UBR7: variants seen among roughly 807,000 people sequenced by gnomAD.
The protein encoded by UBR7 is putative E3 ubiquitin-protein ligase UBR7.
Under a neutral mutation model 57.0 loss-of-function variants are expected in UBR7, and 22 were observed. The ratio of observed to expected loss-of-function variants is 0.39; its 90% CI spans 0.28 to 0.55. The LOEUF is 0.55. Among genes scored for constraint, UBR7 ranks in the 20% least tolerant of loss-of-function variants. UBR7 has a pLI of 0.69. For missense variants in UBR7, 395 were observed against 513.2 expected, an observed-to-expected ratio of 0.77 and a Z score of 2.23; for synonymous variants, 167 against 179.8, an observed-to-expected ratio of 0.93 and a Z score of 0.57.
intron 10 of UBR7, 95 bp downstream of exon 10, chr14:93,222,469 G>T (rs1894728928): frequency 6.2e-6 from 6 of 965,526 alleles, no homozygotes; most frequent in Non-Finnish European, 8.3e-6. Flanking sequence ...GACTGGCGGG[G>T]TGCGGTGGCT....
chr14:93,216,120 C>T (rs1021856318), intron 6 of UBR7, among the ~76,000 whole-genome samples: 4 of 152,174 alleles, frequency 2.6e-5, no homozygotes, highest in Non-Finnish European at 4.4e-5. Flanking sequence ...CAAACAAGCT[C>T]GCTTGGGCCT....
rs770988177 is a variant in UBR7 at position 93,222,373 on chromosome 14, C to T, written c.1184C>T (p.Thr395Met). 1.9e-5 allele frequency: 30 copies of T among 1,598,628 alleles called. No homozygotes were observed. Among genetic ancestry groups the T allele is most frequent in the East Asian group, 2.2e-5 (1 of 44,792 alleles). ...DYLKRFADEGTVVKREDIQQF... is the reference protein window; with the variant it reads ...DYLKRFADEGMVVKREDIQQF... Reference sequence around the variant, plus strand: ...CTCAAGAGATTTGCTGATGAAGGCACGGTATGTTGAGTTAAAGAATTCTAA... The same window carrying T: ...CTCAAGAGATTTGCTGATGAAGGCATGGTATGTTGAGTTAAAGAATTCTAA... The change falls in exon 10 of 11, where the codon ACG (threonine) becomes ATG (methionine). Residue 395 changes from threonine to methionine, a missense_variant and splice_region_variant. Physicochemically the swap from Thr to Met is moderately conservative, Grantham distance 81. Transcript: ENST00000013070.
At position 93,219,338 on chromosome 14, in the gene UBR7, T is replaced by C. The variant is rs566789565; in HGVS notation, c.937T>C (p.Leu313=). The C allele has an allele frequency of 1.7e-5, 28 of 1,614,138 alleles. No homozygotes were observed. The South Asian group carries it at 2.6e-4, about 15-fold the overall frequency. Residue 313 remains leucine, a synonymous_variant, in exon 8 of 11, where the codon TTG becomes CTG. Coordinates refer to ENST00000013070, the MANE Select transcript of UBR7 (RefSeq NM_175748.4). Reference sequence around the variant, plus strand: ...TTGGCCCCTGAACTGGCGTAGCAAGTTGTGTACCTGCCAAGACTGTATGGT... The same window carrying C: ...TTGGCCCCTGAACTGGCGTAGCAAGCTGTGTACCTGCCAAGACTGTATGGT... ...TYWPLNWRSK[L]CTCQDCMKMY...
intron 3 of UBR7, among the ~76,000 whole-genome samples, chr14:93,211,689 T>A (rs1476926340): frequency 6.6e-6 from 1 of 151,982 alleles, no homozygotes; most frequent in Non-Finnish European, 1.5e-5. Flanking sequence ...CCCATCTCTA[T>A]CAAAAAGAAA....
rs1179005092 is a variant in UBR7, at chr14:93,227,816, T to C, written c.*781T>C. ...GCTTCCTGGAGAACATTTGCCCGTATACTAGTCCCTTCTCTGCTGCCTAGA... is the reference window on the plus strand; with the variant it reads ...GCTTCCTGGAGAACATTTGCCCGTACACTAGTCCCTTCTCTGCTGCCTAGA... On this transcript the variant is annotated 3_prime_UTR_variant, in exon 11 of 11. Coordinates refer to ENST00000013070, the MANE Select transcript of UBR7 (RefSeq NM_175748.4). The C allele has an allele frequency of 1.4e-6, 1 of 700,886 alleles. No homozygotes were observed. The highest frequency in any genetic ancestry group is 2.0e-5 in the Admixed American group (1 of 50,016). 43.4% of individuals were successfully genotyped at this position (700,886 alleles called of 1,614,324 possible).
At chr14:93,214,528 TCTG>T (rs1405650880) in intron 4 of UBR7, among the ~76,000 whole-genome samples, 1 of 152,232 alleles carries the variant, frequency 6.6e-6, no homozygotes, top group Non-Finnish European at 1.5e-5. Flanking sequence ...GGATGGTTCT[TCTG>T]CAGCAGAAAG....
chr14:93,208,352 G>T (rs896293970), intron 1 of UBR7, among the ~76,000 whole-genome samples: 4 of 151,916 alleles, frequency 2.6e-5, no homozygotes, highest in Non-Finnish European at 2.9e-5. Context: ...GTTGACCAAG[G>T]TTAGTTTACA....
chr14:93,210,081 A>ATTTATTTATTTATTTT, intron 2 of UBR7, 124 bp downstream of exon 2: 2 of 545,406 alleles, frequency 3.7e-6, no homozygotes, highest in Non-Finnish European at 5.5e-6. Context: ...TAATTAATTA[A>ATTTATTTATTTATTTT]TTTATTTATT....
chr14:93,207,678 G>A (rs1298703943), intron 1 of UBR7, among the ~76,000 whole-genome samples: 1 of 152,056 alleles, frequency 6.6e-6, no homozygotes, highest in Non-Finnish European at 1.5e-5. Context: ...AACTCTGTCC[G>A]GCCCGCCAGG....
chr14:93,221,628 A>C (rs1894709246), intron 9 of UBR7, among the ~76,000 whole-genome samples: 1 of 152,136 alleles, frequency 6.6e-6, no homozygotes, highest in Admixed American at 6.5e-5. Flanking sequence ...TAGAGGATGC[A>C]CCTAAAAGAT....
At chr14:93,222,523 T>TC in intron 10 of UBR7, 149 bp downstream of exon 10, 1 of 698,390 alleles carries the variant, frequency 1.4e-6, no homozygotes, top group Non-Finnish European at 2.6e-6. Context: ...TGTGGGTGGA[T>TC]CACAAGGTCA....
Position 93,227,921 on chromosome 14 carries a change from C to T in UBR7, c.*886C>T, listed in dbSNP as rs1894894607. ...ATTTCTTGATATTATCAGGGATATT[C>T]ATAAGCATATATCAAAAATGGACCT... On this transcript the variant is annotated 3_prime_UTR_variant, in exon 11 of 11. Coordinates refer to ENST00000013070, the MANE Select transcript of UBR7 (RefSeq NM_175748.4). 2.9e-6 allele frequency: 2 copies of T among 700,732 alleles called. No homozygotes were observed. The highest frequency in any genetic ancestry group is 5.4e-5 in the East Asian group (2 of 37,290). The allele number at this position is 700,732 out of a possible 1,614,324, so 43.4% of individuals were successfully genotyped here. A position where few individuals can be genotyped will look rare whatever the true frequency, so the allele number is the denominator to read the frequency against.
chr14:93,220,332 C>T lies in UBR7; in HGVS notation c.1044C>T (p.Ala348=), dbSNP rs984065464. Reference sequence around the variant, plus strand: ...CTTATGAAAACAAAGGGAAGATTGCCCAGGCCACTGACAGGAGCGATCCCC... The same window carrying T: ...CTTATGAAAACAAAGGGAAGATTGCTCAGGCCACTGACAGGAGCGATCCCC... ...VLAYENKGKI[A]QATDRSDPLM... Residue 348 remains alanine, a synonymous_variant, in exon 9 of 11, where the codon GCC becomes GCT. Transcript: ENST00000013070. 1 of 1,613,438 alleles carries T rather than the reference C, an allele frequency of 6.2e-7. No individual in the cohort carries two copies. The highest frequency in any genetic ancestry group is 1.1e-5 in the South Asian group (1 of 91,046).
chr14:93,222,677 A>C (rs569599592), intron 10 of UBR7, among the ~76,000 whole-genome samples: 1 of 151,550 alleles, frequency 6.6e-6, no homozygotes, highest in South Asian at 2.1e-4. Flanking sequence ...CAGGAGGCGG[A>C]GGTTGTAGTG....
chr14:93,212,034 C>A lies in UBR7; in HGVS notation c.348C>A (p.Asp116Glu). 2 of 1,608,938 alleles carry A rather than the reference C, an allele frequency of 1.2e-6. No homozygotes were observed. ...FKNLECKLLP[D>E]KAKVNSGNKY... ...TTGAAATCAATATTATATTTCAGGA[C>A]AAAGCAAAGGTAAATTCTGGCAATA... Residue 116 changes from aspartate (D) to glutamate (E), a missense_variant and splice_region_variant, in exon 4 of 11, where the codon GAC becomes GAA. Asp to Glu is a conservative substitution (Grantham distance 45). Transcript: ENST00000013070.
intron 1 of UBR7, 67 bp from the exon 2 acceptor site, chr14:93,209,755 TTC>T (rs1894440262): frequency 6.4e-7 from 1 of 1,556,828 alleles, no homozygotes; most frequent in East Asian, 2.3e-5. Flanking sequence ...TATTTTTCAG[TTC>T]CTAGTGTGGG....
At chr14:93,211,072 C>G (rs2140098391) in intron 3 of UBR7, among the ~76,000 whole-genome samples, 1 of 152,266 alleles carries the variant, frequency 6.6e-6, no homozygotes, top group Middle Eastern at 3.4e-3. Flanking sequence ...CCTGTCTCTA[C>G]TAAAAATACA....
In UBR7 at chr14:93,220,240, TC is replaced by T; in HGVS notation, c.961-6del. On this transcript the variant is annotated splice_region_variant and splice_polypyrimidine_tract_variant and intron_variant, in intron 8 of 10. Coordinates refer to ENST00000013070, the MANE Select transcript of UBR7 (RefSeq NM_175748.4). ...CCTCTTTCTTTTTTTTTTTTTTTTTTCCCTAAAGAAAATGTATGGAGATCTA... is the reference window on the plus strand; with the variant it reads ...CCTCTTTCTTTTTTTTTTTTTTTTTTCCTAAAGAAAATGTATGGAGATCTA... The T allele has an allele frequency of 5.1e-6, 8 of 1,583,740 alleles. No individual in the cohort carries two copies. Among genetic ancestry groups the T allele is most frequent in the South Asian group, 1.1e-5 (1 of 88,152 alleles).
At chr14:93,222,256 T>C (rs748766216) in intron 9 of UBR7, 57 bp from the exon 10 acceptor site, 2 of 1,283,296 alleles carry the variant, frequency 1.6e-6, no homozygotes, top group Non-Finnish European at 2.3e-6. Context: ...AAGAATATTT[T>C]GTTTTTGAAA....
Sources: gnomAD v4.1 joint callset for allele counts (sites outside exome capture counted in the v4.1 genomes callset) on GRCh38, gnomAD v4.1.1 for gene constraint, MANE v1.5 for transcripts, NCBI Gene and HGNC (gene_info 2026-07-23, HGNC 2026-07-21) for gene names.